ADGRB3: variants seen among roughly 807,000 people sequenced by gnomAD.
ADGRB3 encodes adhesion G protein-coupled receptor B3.
Under a neutral mutation model 193.4 loss-of-function variants are expected in ADGRB3, and 37 were observed. The ratio of observed to expected loss-of-function variants is 0.19; its 90% CI spans 0.15 to 0.25. The LOEUF (loss-of-function observed/expected upper bound fraction) is 0.25. ADGRB3 is among the 10% of genes least tolerant of loss of function. The pLI, the probability that ADGRB3 is intolerant of heterozygous loss-of-function variation, is 1.00. For synonymous variants in ADGRB3, 690 were observed against 644.2 expected (o/e 1.07, Z -1.08); for missense variants, 1,637 against 1,852.9 (o/e 0.88, Z 2.14).
intron 20 of ADGRB3, among the ~76,000 whole-genome samples, chr6:69,297,785 T>C (rs1231670725): frequency 2.6e-5 from 4 of 152,170 alleles, no homozygotes; most frequent in South Asian, 4.1e-4. Flanking sequence ...TTGATTATGA[T>C]ACATGTTTTA....
intron 17 of ADGRB3, among the ~76,000 whole-genome samples, chr6:69,104,912 G>A (rs1773167894): frequency 6.6e-6 from 1 of 152,026 alleles, no homozygotes; most frequent in Non-Finnish European, 1.5e-5. Flanking sequence ...TATTTTTCTT[G>A]TGATTGGGAG....
At chr6:68,724,350 T>C (rs1442262764) in intron 3 of ADGRB3, among the ~76,000 whole-genome samples, 2 of 151,710 alleles carry the variant, frequency 1.3e-5, no homozygotes, top group East Asian at 3.9e-4. Context: ...TATGGACTGT[T>C]ACTGACTTTT....
intron 3 of ADGRB3, among the ~76,000 whole-genome samples, chr6:68,784,748 G>C (rs1766925612): frequency 6.6e-6 from 1 of 151,944 alleles, no homozygotes; most frequent in Non-Finnish European, 1.5e-5. Context: ...TTATTTTCCT[G>C]CCTTCTTTGA....
At position 68,991,570 on chromosome 6, in the gene ADGRB3, CA is replaced by C. The variant is rs112438239; in HGVS notation, c.1735-2185del. Among the ~76,000 whole-genome samples, 480 of 126,336 alleles carry C rather than the reference CA, an allele frequency of 3.8e-3. 1 individual carries two copies. The highest frequency in any genetic ancestry group is 7.9e-3 in the Admixed American group (100 of 12,714). The allele number at this position is 126,336 out of a possible 152,430, so 82.9% of individuals were successfully genotyped here. On this transcript the variant is annotated intron_variant, in intron 10 of 31. Transcript: ENST00000370598. ...GGCCCCCGCCATCCCCTCGCTCCCA[CA>C]AAAAAAAAAAAAGCAAGACAAAGGC...
chr6:69,052,474 C>T (rs970894714), intron 15 of ADGRB3, among the ~76,000 whole-genome samples: 1 of 152,154 alleles, frequency 6.6e-6, no homozygotes, highest in Admixed American at 6.5e-5. Context: ...TGTGAAGCCA[C>T]GTTTGTTATA....
intron 3 of ADGRB3, among the ~76,000 whole-genome samples, chr6:68,826,294 A>G (rs1359688524): frequency 6.6e-6 from 1 of 152,204 alleles, no homozygotes; most frequent in African/African-American, 2.4e-5. Flanking sequence ...TACACCTTGA[A>G]ATGGGAATTC....
intron 3 of ADGRB3, among the ~76,000 whole-genome samples, chr6:68,753,125 C>T (rs73467848): frequency 0.033 from 4,987 of 152,056 alleles, 148 homozygotes; most frequent in African/African-American, 0.073. Context: ...CCACCCTAGG[C>T]GATAGGGATA....
intron 13 of ADGRB3, among the ~76,000 whole-genome samples, chr6:69,041,134 T>C (rs2150298704): frequency 6.6e-6 from 1 of 152,276 alleles, no homozygotes; most frequent in South Asian, 2.1e-4. Flanking sequence ...TACATGTTAC[T>C]CTCCAGCAAT....
At chr6:68,901,359 C>T (rs548120789) in intron 3 of ADGRB3, among the ~76,000 whole-genome samples, 5 of 152,164 alleles carry the variant, frequency 3.3e-5, no homozygotes, top group South Asian at 2.1e-4. Context: ...TGGCTTTTTC[C>T]GGGACAAATA....
At chr6:69,196,513 A>T (rs1469365306) in intron 17 of ADGRB3, among the ~76,000 whole-genome samples, 1 of 152,104 alleles carries the variant, frequency 6.6e-6, no homozygotes, top group East Asian at 1.9e-4. Context: ...TTATCTTTAC[A>T]TAGCCTTTTC....
chr6:69,059,740 G>A (rs1052529366), intron 15 of ADGRB3, among the ~76,000 whole-genome samples: 1 of 152,006 alleles, frequency 6.6e-6, no homozygotes, highest in Admixed American at 6.6e-5. Context: ...AGACAATTTT[G>A]TACACTATAC....
chr6:68,760,749 C>A (rs1378339299), intron 3 of ADGRB3, among the ~76,000 whole-genome samples: 1 of 152,118 alleles, frequency 6.6e-6, no homozygotes, highest in African/African-American at 2.4e-5. Flanking sequence ...AATACATTTA[C>A]CCTCAGCAAA....
At chr6:68,840,231 G>A (rs140821180) in intron 3 of ADGRB3, among the ~76,000 whole-genome samples, 1 of 152,194 alleles carries the variant, frequency 6.6e-6, no homozygotes, top group Non-Finnish European at 1.5e-5. Flanking sequence ...AGCTGGGGTG[G>A]CCAAAGATGT....
chr6:68,928,950 A>G (rs769212828), intron 3 of ADGRB3, among the ~76,000 whole-genome samples: 15 of 152,186 alleles, frequency 9.9e-5, no homozygotes, highest in South Asian at 2.1e-4. Context: ...ATTTGAAAAT[A>G]TTGGATAGTC....
intron 17 of ADGRB3, 52 bp from the exon 18 acceptor site, chr6:69,233,238 G>T: frequency 6.3e-7 from 1 of 1,597,504 alleles, no homozygotes; most frequent in South Asian, 1.1e-5. Flanking sequence ...TTACGGATTT[G>T]GCTATCAGGC....
intron 11 of ADGRB3, among the ~76,000 whole-genome samples, chr6:69,009,569 A>G (rs1342735455): frequency 6.6e-6 from 1 of 152,170 alleles, no homozygotes; most frequent in Non-Finnish European, 1.5e-5. Flanking sequence ...TGGATCACAT[A>G]TGGCCTTGCA....
chr6:68,893,463 T>A (rs1766134926), intron 3 of ADGRB3, among the ~76,000 whole-genome samples: 1 of 150,738 alleles, frequency 6.6e-6, no homozygotes, highest in African/African-American at 2.4e-5. Flanking sequence ...TCCTTAGCAT[T>A]CAAAATGAGG....
chr6:68,736,796 T>A (rs1353523556), intron 3 of ADGRB3, among the ~76,000 whole-genome samples: 1 of 152,114 alleles, frequency 6.6e-6, no homozygotes, highest in Non-Finnish European at 1.5e-5. Flanking sequence ...ATTTTTACAT[T>A]TTTTAATACA....
intron 3 of ADGRB3, among the ~76,000 whole-genome samples, chr6:68,804,480 A>G (rs1767367803): frequency 6.6e-6 from 1 of 152,240 alleles, no homozygotes; most frequent in Non-Finnish European, 1.5e-5. Flanking sequence ...TCTATTTCTT[A>G]TTACACTACT....
Sources: allele counts gnomAD v4.1 joint callset (sites outside exome capture counted in the v4.1 genomes callset), GRCh38; gene constraint gnomAD v4.1.1; transcripts MANE v1.5; gene names NCBI Gene and HGNC (gene_info 2026-07-23, HGNC 2026-07-21).